JAK1: variants seen among roughly 807,000 people sequenced by gnomAD.
The protein encoded by JAK1 is tyrosine-protein kinase JAK1.
JAK1 carries 16 observed loss-of-function variants against 136.6 expected under a neutral mutation model. The observed-to-expected ratio is 0.12, with a 90% CI of 0.08 to 0.18. The LOEUF is 0.18. Among genes scored for constraint, JAK1 ranks in the 10% least tolerant of loss-of-function variants. JAK1 has a pLI of 1.00. For synonymous variants in JAK1, 492 were observed against 519.5 expected (o/e 0.95, Z 0.72); for missense variants, 859 against 1,450.1 (o/e 0.59, Z 6.62).
chr1:64,845,416 G>A (rs561788868), intron 15 of JAK1, 97 bp downstream of exon 15: 1 of 1,387,200 alleles, frequency 7.2e-7, no homozygotes, highest in Non-Finnish European at 1.0e-6. Flanking sequence ...CCAAGGACAG[G>A]CCCCTCTAGC....
chr1:65,009,786 C>T (rs1646833502), intron 2 of JAK1, among the ~76,000 whole-genome samples: 1 of 152,166 alleles, frequency 6.6e-6, no homozygotes, highest in Non-Finnish European at 1.5e-5. Context: ...AGTTACTGGC[C>T]CATGGTCACA....
intron 2 of JAK1, among the ~76,000 whole-genome samples, chr1:65,019,690 G>A (rs926789825): frequency 6.6e-6 from 1 of 152,108 alleles, no homozygotes; most frequent in South Asian, 2.1e-4. Context: ...GCCAATGTGG[G>A]TGGATCACCT....
chr1:64,896,571 C>T (rs561462765), intron 1 of JAK1, among the ~76,000 whole-genome samples: 1 of 152,192 alleles, frequency 6.6e-6, no homozygotes, highest in Non-Finnish European at 1.5e-5. Flanking sequence ...TCCAGGACAT[C>T]ATTAATTAAG....
chr1:64,918,240 A>G (rs1195713575), intron 1 of JAK1, among the ~76,000 whole-genome samples: 1 of 152,224 alleles, frequency 6.6e-6, no homozygotes, highest in Non-Finnish European at 1.5e-5. Context: ...CTCTAACTAT[A>G]CACATACTGT....
At chr1:64,895,339 T>C (rs1644998458) in intron 1 of JAK1, among the ~76,000 whole-genome samples, 1 of 152,222 alleles carries the variant, frequency 6.6e-6, no homozygotes, top group African/African-American at 2.4e-5. Flanking sequence ...CATTTTTAAA[T>C]GCTAAACAAG....
rs1037782897 is a variant in JAK1 at position 64,838,516 on chromosome 1, C to T, written c.2916G>A (p.Lys972=). 3 of 1,613,768 alleles carry T rather than the reference C, an allele frequency of 1.9e-6. No homozygotes were observed. The highest frequency in any genetic ancestry group is 2.5e-6 in the Non-Finnish European group (3 of 1,179,838). Residue 972 remains lysine, a synonymous_variant, in exon 21 of 25, where the codon AAG becomes AAA. Transcript: ENST00000342505. ...GCTGCTGTTTGAGGTTTATTTTGTT[C>T]TTATTCTTTGGAAGATATTCCTTAA... is the stretch of plus-strand genomic sequence containing the variant. ...GSLKEYLPKN[K]NKINLKQQLK... is the part of the protein sequence containing the mutation.
chr1:64,884,794 G>A (rs917889000), intron 2 of JAK1, among the ~76,000 whole-genome samples: 2 of 152,122 alleles, frequency 1.3e-5, no homozygotes, highest in Non-Finnish European at 2.9e-5. Context: ...TAAGGCCCTC[G>A]CTTCTTGCTC....
intron 2 of JAK1, among the ~76,000 whole-genome samples, chr1:64,982,929 C>G (rs1458159144): frequency 4.6e-5 from 7 of 152,030 alleles, no homozygotes; most frequent in African/African-American, 1.7e-4. Context: ...GTTTGAGGAG[C>G]CAGAAGTAGA....
intron 2 of JAK1, among the ~76,000 whole-genome samples, chr1:64,975,465 G>A (rs2100682136): frequency 6.6e-6 from 1 of 152,296 alleles, no homozygotes; most frequent in East Asian, 1.9e-4. Context: ...CTGCATGCAT[G>A]CTCAGGGAGC....
chr1:64,966,668 C>T (rs1465077462), upstream of JAK1, among the ~76,000 whole-genome samples: 1 of 150,486 alleles, frequency 6.6e-6, no homozygotes, highest in East Asian at 2.0e-4. Flanking sequence ...GGTCGCGGTC[C>T]CGGCGGAGAC....
intron 1 of JAK1, among the ~76,000 whole-genome samples, chr1:64,940,787 A>C (rs985213855): frequency 6.6e-6 from 1 of 152,234 alleles, no homozygotes; most frequent in African/African-American, 2.4e-5. Flanking sequence ...GAACATGATT[A>C]ATAAAGAGAA....
At chr1:64,944,221 C>CAAA (rs771660692) in intron 1 of JAK1, among the ~76,000 whole-genome samples, 2,422 of 62,934 alleles carry the variant, frequency 0.038, 65 homozygotes, top group Admixed American at 0.1. Context: ...GACTCTGTCT[C>CAAA]AAAAAAAAAA....
At chr1:64,925,628 C>A (rs940920809) in intron 1 of JAK1, among the ~76,000 whole-genome samples, 1 of 152,128 alleles carries the variant, frequency 6.6e-6, no homozygotes, top group African/African-American at 2.4e-5. Context: ...AAACTGACTT[C>A]CTGTGGGTAA....
At chr1:64,873,133 G>A (rs1553163187) in intron 5 of JAK1, among the ~76,000 whole-genome samples, 1 of 152,176 alleles carries the variant, frequency 6.6e-6, no homozygotes, top group Non-Finnish European at 1.5e-5. Flanking sequence ...AAAAGGAAAG[G>A]AATAGGAAAG....
At chr1:65,022,905 A>G (rs1646948760) in intron 2 of JAK1, 1 of 152,148 alleles carries the variant, frequency 6.6e-6, no homozygotes, top group Admixed American at 6.5e-5. Context: ...GGAGTTTTTC[A>G]CACCTGTTAG....
In JAK1 at chr1:64,985,122, A is replaced by G. The variant is rs149588023; in HGVS notation, c.-78+59358T>C. 1.7e-3 allele frequency: 1,937 copies of G among 1,145,908 alleles called. 31 individuals carry two copies. In the African/African-American group the frequency reaches 0.026, roughly 16 times the overall value. The allele number at this position is 1,145,908 out of a possible 1,614,324, so 71.0% of individuals were successfully genotyped here. A position where few individuals can be genotyped will look rare whatever the true frequency, so the allele number is the denominator to read the frequency against. On this transcript the variant is annotated intron_variant, in intron 2 of 25. Coordinates refer to the JAK1 transcript ENST00000671954. The stretch of plus-strand genomic sequence containing the variant: ...AGTCCTTCTTACTGCCCTTTCCACT[A>G]GAAATAGGGAAACTATAGTGAAGAT...
intron 5 of JAK1, among the ~76,000 whole-genome samples, chr1:64,870,743 T>C (rs1409338035): frequency 6.6e-6 from 1 of 152,108 alleles, no homozygotes; most frequent in African/African-American, 2.4e-5. Flanking sequence ...AGATTAATGG[T>C]TTTTGGATGG....
rs757073609 is a variant in JAK1 at position 64,857,783 on chromosome 1, G to C, written c.1335-4C>G. The C allele has an allele frequency of 2.5e-6, 4 of 1,614,166 alleles. No homozygotes were observed. Among genetic ancestry groups the C allele is most frequent in the East Asian group, 4.5e-5 (2 of 44,886 alleles). On this transcript the variant is annotated splice_region_variant and splice_polypyrimidine_tract_variant and intron_variant, in intron 9 of 24. Transcript: ENST00000342505. Reference sequence around the variant, plus strand: ...TTTATTGATGGCGTATTCTGTACTAGAGGGAGAAGTAGGCAAAGGGAGAAA... The same window carrying C: ...TTTATTGATGGCGTATTCTGTACTACAGGGAGAAGTAGGCAAAGGGAGAAA...
intron 1 of JAK1, among the ~76,000 whole-genome samples, chr1:64,940,914 C>G (rs1035956048): frequency 6.6e-6 from 1 of 152,168 alleles, no homozygotes. Flanking sequence ...CTTGTAATCT[C>G]AGCATTTTGG....
Sources: allele counts gnomAD v4.1 joint callset (sites outside exome capture counted in the v4.1 genomes callset), GRCh38; gene constraint gnomAD v4.1.1; transcripts MANE v1.5; gene names NCBI Gene and HGNC (gene_info 2026-07-23, HGNC 2026-07-21).